Variants in PHF8 observed in about 807,000 individuals in gnomAD.
The protein encoded by PHF8 is histone lysine demethylase PHF8.
In PHF8, 9 loss-of-function variants were observed where a neutral mutation model predicts 74.4. The observed-to-expected ratio is 0.12, with a 90% CI of 0.07 to 0.21. The LOEUF is 0.21. Among genes scored for constraint, PHF8 ranks in the 10% least tolerant of loss-of-function variants. The probability of loss-of-function intolerance (pLI) is 1.00; values close to 1 mark genes in which losing one functional copy is unlikely to be tolerated. For missense variants in PHF8, 478 were observed against 816.6 expected, an observed-to-expected ratio of 0.59 and a Z score of 5.05; for synonymous variants, 311 against 316.6, an observed-to-expected ratio of 0.98 and a Z score of 0.19.
intron 8 of PHF8, among the ~76,000 whole-genome samples, 181 bp from the exon 9 acceptor site, chrX:54,002,863 A>T (rs2065846159): frequency 8.9e-6 from 1 of 111,880 alleles, no homozygotes; most frequent in African/African-American, 3.2e-5. Context: ...AGACTCTTTG[A>T]GAGAAGCTGA....
At position 54,042,756 on chromosome X, in the gene PHF8, G is replaced by C. The variant is rs1557116279; in HGVS notation, c.-28C>G. On this transcript the variant is annotated 5_prime_UTR_variant, in exon 2 of 22. Transcript: ENST00000338154. ...TCGCTCGGCCCTGGAGCGTTCTGCG[G>C]CCGGCCAGGTTCGTCGTGTCAAGAG... is the stretch of plus-strand genomic sequence containing the variant. The C allele has an allele frequency of 8.3e-7, 1 of 1,197,791 alleles. No homozygotes were observed. The highest frequency in any genetic ancestry group is 2.2e-5 in the Admixed American group (1 of 44,729).
intron 19 of PHF8, among the ~76,000 whole-genome samples, chrX:53,954,512 A>G (rs1324691731): frequency 3.3e-4 from 35 of 104,802 alleles, no homozygotes; most frequent in Admixed American, 2.6e-3. Context: ...AAAAAAAAAA[A>G]AAAAAAAAAA....
chrX:54,037,278 C>T (rs1272384543), intron 2 of PHF8, among the ~76,000 whole-genome samples: 3 of 111,506 alleles, frequency 2.7e-5, no homozygotes, highest in Non-Finnish European at 5.6e-5. Flanking sequence ...GACAGGGTCT[C>T]GCTCTGTCAC....
chrX:53,987,883 T>C lies in PHF8; in HGVS notation c.1792A>G (p.Lys598Glu). 8.3e-7 allele frequency: 1 copy of C among 1,209,458 alleles called. No homozygotes were observed. The highest frequency in any genetic ancestry group is 1.1e-6 in the Non-Finnish European group (1 of 893,459). Residue 598 changes from lysine to glutamate, a missense_variant, in exon 15 of 22, where the codon AAG becomes GAG. Lys to Glu is a moderately conservative substitution (Grantham distance 56). Transcript: ENST00000338154. ...ACCTGTTCTGCCATCAGCCTAGCCT[T>C]GTCTACCTTCTTTGCTATCTTGGTT... ...RRTKIAKKVD[K>E]ARLMAEQVME...
upstream of PHF8, among the ~76,000 whole-genome samples, chrX:54,045,756 T>C (rs186717695): frequency 1.8e-5 from 2 of 111,760 alleles, no homozygotes; most frequent in East Asian, 5.6e-4. Flanking sequence ...TTACTAGAAG[T>C]TGAATATTGT....
chrX:53,961,899 A>C (rs1473890438), intron 19 of PHF8, among the ~76,000 whole-genome samples: 2 of 111,881 alleles, frequency 1.8e-5, no homozygotes, highest in Non-Finnish European at 3.8e-5. Flanking sequence ...TTCTCCTCTC[A>C]AAAGGTGCAA....
rs184924071 is a variant in PHF8, at chrX:54,025,872, C to G, written c.99-3029G>C. Among the ~76,000 whole-genome samples, 3 of 111,357 alleles carry G rather than the reference C, an allele frequency of 2.7e-5. No homozygotes were observed. In the East Asian group the frequency reaches 8.5e-4, roughly 31 times the overall value. On this transcript the variant is annotated intron_variant, in intron 2 of 21. Transcript: ENST00000338154. ...TCTTGACTTTACCCTCCTTCCCTATCTAGTTGAGATTCCAGCATTCCTCAC... is the reference window on the plus strand; with the variant it reads ...TCTTGACTTTACCCTCCTTCCCTATGTAGTTGAGATTCCAGCATTCCTCAC...
At position 54,010,396 on chromosome X, in the gene PHF8, T is replaced by C. The variant is rs149078437; in HGVS notation, c.946+726A>G. ...ATTTAGATTAAATAGACCAATTCCT[T>C]GAAGAGCAGATGATCGCAACTTATT... On this transcript the variant is annotated intron_variant, in intron 8 of 21. Coordinates refer to ENST00000338154, the MANE Select transcript of PHF8 (RefSeq NM_015107.3). Among the ~76,000 whole-genome samples, 346 of 111,874 alleles carry C rather than the reference T, an allele frequency of 3.1e-3. 2 individuals carry two copies. Among genetic ancestry groups the C allele is most frequent in the African/African-American group, 0.011 (333 of 30,837 alleles).
In PHF8 at chrX:53,987,862, G is replaced by C; in HGVS notation, c.1813C>G (p.Gln605Glu). Residue 605 changes from glutamine (Q) to glutamate (E), a missense_variant, in exon 15 of 22, where the codon CAG becomes GAG. By Grantham distance (29) the Gln-to-Glu change is conservative (BLOSUM62 2). Around this residue, in one of 9 missense-constraint regions of PHF8, gnomAD observed 153 missense variants for 164.8 expected, o/e 0.93. Coordinates refer to ENST00000338154, the MANE Select transcript of PHF8 (RefSeq NM_015107.3). ...AAGTCAAATTCGTCTTCCATCACCTGTTCTGCCATCAGCCTAGCCTTGTCT... is the reference window on the plus strand; with the variant it reads ...AAGTCAAATTCGTCTTCCATCACCTCTTCTGCCATCAGCCTAGCCTTGTCT... ...KVDKARLMAE[Q>E]VMEDEFDLDS... 1 of 1,206,700 alleles carries C rather than the reference G, an allele frequency of 8.3e-7. No individual in the cohort carries two copies.
intron 6 of PHF8, among the ~76,000 whole-genome samples, chrX:54,015,663 C>T (rs1557107929): frequency 9.2e-6 from 1 of 109,070 alleles, no homozygotes. Flanking sequence ...GGGAAAGTGG[C>T]TAAAGAGTAC....
chrX:54,043,201 A>C, intron 1 of PHF8: 1 of 707,389 alleles, frequency 1.4e-6, no homozygotes, highest in Middle Eastern at 8.0e-4. Flanking sequence ...TTATGACGCA[A>C]ACCACAGCGT....
chrX:53,953,401 G>A (rs1450377548), intron 19 of PHF8, among the ~76,000 whole-genome samples: 1 of 110,025 alleles, frequency 9.1e-6, no homozygotes, highest in Non-Finnish European at 1.9e-5. Context: ...AGCACTTTGG[G>A]AGGCCAAGAT....
intron 15 of PHF8, 58 bp from the exon 16 acceptor site, chrX:53,987,221 C>T (rs1037489792): frequency 1.2e-5 from 9 of 750,106 alleles, no homozygotes; most frequent in Non-Finnish European, 1.9e-5. Flanking sequence ...CAGCCAAATA[C>T]CCAGAAGAAA....
chrX:54,033,056 C>T (rs782207439), intron 2 of PHF8, among the ~76,000 whole-genome samples: 27 of 111,085 alleles, frequency 2.4e-4, no homozygotes, highest in Non-Finnish European at 1.7e-4. Context: ...GATCCACCCA[C>T]CTAGCAGGTG....
intron 8 of PHF8, among the ~76,000 whole-genome samples, chrX:54,005,340 T>G (rs1215898753): frequency 1.9e-5 from 2 of 106,621 alleles, no homozygotes; most frequent in Non-Finnish European, 3.9e-5. Flanking sequence ...TGGTGGCACA[T>G]GCCTGTAATC....
intron 2 of PHF8, among the ~76,000 whole-genome samples, chrX:54,033,511 G>A (rs180775670): frequency 2.4e-4 from 27 of 111,267 alleles, no homozygotes; most frequent in African/African-American, 7.8e-4. Context: ...TCAGGAGTTC[G>A]AGACCAGCCT....
chrX:53,961,634 A>G (rs2065107454), intron 19 of PHF8, among the ~76,000 whole-genome samples: 2 of 111,110 alleles, frequency 1.8e-5, no homozygotes, highest in Admixed American at 1.9e-4. Flanking sequence ...TTTTTTTTAA[A>G]AAGAAACATT....
intron 18 of PHF8, among the ~76,000 whole-genome samples, chrX:53,977,733 G>A (rs1263081922): frequency 5.8e-5 from 6 of 102,788 alleles, no homozygotes; most frequent in Non-Finnish European, 1.2e-4. Context: ...TGCAAGCTCC[G>A]ACTCCTGGGT....
intron 2 of PHF8, among the ~76,000 whole-genome samples, chrX:54,041,716 A>G (rs782650613): frequency 4.4e-5 from 5 of 112,753 alleles, no homozygotes; most frequent in African/African-American, 1.3e-4. Context: ...GCTTAATTCA[A>G]TTTAGTTGGA....
Sources: gnomAD v4.1 joint callset for allele counts (sites outside exome capture counted in the v4.1 genomes callset) on GRCh38, gnomAD v4.1.1 for gene constraint, gnomAD v4.1.1 regional missense constraint, MANE v1.5 for transcripts, NCBI Gene and HGNC (gene_info 2026-07-23, HGNC 2026-07-21) for gene names.